Variants in B4GALNT2 observed in about 807,000 individuals in gnomAD.
B4GALNT2 encodes N-acetylneuraminylgalactosylglucosyl-glucoside beta-1,4-N- acetylgalactosaminyltransferase 2.
A neutral mutation model predicts 51.1 loss-of-function variants in B4GALNT2; 42 were observed. The ratio of observed to expected loss-of-function variants is 0.82; its 90% CI spans 0.64 to 1.06. The LOEUF (loss-of-function observed/expected upper bound fraction) is 1.06. Ranked by LOEUF, B4GALNT2 falls within the 50% of genes least tolerant of loss-of-function variation. The probability of loss-of-function intolerance (pLI) is 0.00; values close to 1 mark genes in which losing one functional copy is unlikely to be tolerated. For missense variants in B4GALNT2, 602 were observed against 633.6 expected, an observed-to-expected ratio of 0.95 and a Z score of 0.54; for synonymous variants, 253 against 251.7, an observed-to-expected ratio of 1.01 and a Z score of -0.05.
At chr17:49,127,637 T>TA (rs796221801), upstream of B4GALNT2, among the ~76,000 whole-genome samples, 41 of 151,370 alleles carry the variant, frequency 2.7e-4, no homozygotes, top group East Asian at 4.3e-3. Flanking sequence ...TTATAAGATT[T>TA]AAAAAAAAAA....
chr17:49,154,294 C>T (rs896691753), intron 4 of B4GALNT2, among the ~76,000 whole-genome samples: 1 of 152,154 alleles, frequency 6.6e-6, no homozygotes, highest in Non-Finnish European at 1.5e-5. Context: ...AGCCACTGAG[C>T]CTGGCCGGGA....
chr17:49,153,225 G>A (rs566989967), intron 4 of B4GALNT2, among the ~76,000 whole-genome samples: 8 of 152,122 alleles, frequency 5.3e-5, no homozygotes, highest in Non-Finnish European at 1.0e-4. Flanking sequence ...GACCAGCCTG[G>A]GCAATATGGC....
At chr17:49,150,587 C>A (rs574434647) in intron 3 of B4GALNT2, among the ~76,000 whole-genome samples, 9,482 of 151,436 alleles carry the variant, frequency 0.063, 494 homozygotes, top group African/African-American at 0.13. Flanking sequence ...AAGAAAAATT[C>A]TTCTGCCTTG....
In B4GALNT2 at chr17:49,141,160, C is replaced by T. The variant is rs2042640097; in HGVS notation, c.15-87C>T. On this transcript the variant is annotated intron_variant, in intron 1 of 10. Coordinates refer to ENST00000393354, the MANE Select transcript of B4GALNT2 (RefSeq NM_001159387.2). Reference sequence around the variant, plus strand: ...CAATATAAGCTATGTGCTTAGCTTACATTTTTCCTGAAATTATCAGTCTCA... The same window carrying T: ...CAATATAAGCTATGTGCTTAGCTTATATTTTTCCTGAAATTATCAGTCTCA... 2.3e-6 allele frequency: 3 copies of T among 1,296,022 alleles called. No individual in the cohort carries two copies. The African/African-American group carries it at 4.4e-5, about 19-fold the overall frequency. The allele number at this position is 1,296,022 out of a possible 1,614,324, so 80.3% of individuals were successfully genotyped here. A position where few individuals can be genotyped will look rare whatever the true frequency, so the allele number is the denominator to read the frequency against.
At position 49,135,551 on chromosome 17, in the gene B4GALNT2, C is replaced by T. The variant is rs376816126; in HGVS notation, c.14+2745C>T. 1.7e-3 allele frequency among the ~76,000 whole-genome samples: 265 copies of T among 152,056 alleles called. 4 individuals carry two copies. Among genetic ancestry groups the T allele is most frequent in the African/African-American group, 5.8e-3 (239 of 41,510 alleles). The stretch of plus-strand genomic sequence containing the variant: ...GGGATTACAGGCGTGAGCCACCGCG[C>T]CCGGCCCATCCTTCTTATTTTTAAT... On this transcript the variant is annotated intron_variant, in intron 1 of 10. Coordinates refer to ENST00000393354, the MANE Select transcript of B4GALNT2 (RefSeq NM_001159387.2).
the B4GALNT2 span, among the ~76,000 whole-genome samples, chr17:49,125,744 GAGGTGGGGGGGTCAGCCCCCCGCCCGT>G: frequency 8.4e-6 from 1 of 118,912 alleles, no homozygotes; most frequent in Non-Finnish European, 1.8e-5. Flanking sequence ...GTCCCGGAGG[GAGGTGGGGGGGTCAGCCCCCCGCCCGT>G]CCGGCCGCCC....
At chr17:49,141,102 C>T (rs568714214) in intron 1 of B4GALNT2, 145 bp from the exon 2 acceptor site, 8 of 692,892 alleles carry the variant, frequency 1.2e-5, no homozygotes, top group African/African-American at 7.1e-5. Context: ...TGATTCTTTC[C>T]TCCTCTGTTT....
chr17:49,157,897 C>T (rs1247215620), intron 5 of B4GALNT2, among the ~76,000 whole-genome samples: 1 of 152,182 alleles, frequency 6.6e-6, no homozygotes, highest in Non-Finnish European at 1.5e-5. Flanking sequence ...GCCTGTAACT[C>T]GGTTTTTAGA....
intron 3 of B4GALNT2, among the ~76,000 whole-genome samples, chr17:49,149,987 T>C (rs1198936533): frequency 6.6e-6 from 1 of 152,226 alleles, no homozygotes; most frequent in Non-Finnish European, 1.5e-5. Flanking sequence ...GCTGAGTATG[T>C]TCCATATGTT....
intron 3 of B4GALNT2, among the ~76,000 whole-genome samples, chr17:49,143,839 C>CTCT (rs34707729): frequency 0.33 from 50,414 of 151,714 alleles, 8,855 homozygotes; most frequent in East Asian, 0.46. Context: ...GTCTCTCTTC[C>CTCT]TCTTCTTATA....
intron 3 of B4GALNT2, chr17:49,148,383 C>T (rs906879004): frequency 8.5e-6 from 3 of 352,798 alleles, no homozygotes; most frequent in African/African-American, 4.4e-5. Context: ...CTGCCTCTTA[C>T]TGGAATTTGG....
chr17:49,147,280 T>C (rs1227121319), intron 3 of B4GALNT2, among the ~76,000 whole-genome samples: 1 of 152,204 alleles, frequency 6.6e-6, no homozygotes, highest in Non-Finnish European at 1.5e-5. Flanking sequence ...ATACTTCCAT[T>C]AAAAAGCAGC....
At chr17:49,167,608 CTTTT>C (rs34497598) in intron 9 of B4GALNT2, among the ~76,000 whole-genome samples, 1 of 115,062 alleles carries the variant, frequency 8.7e-6, no homozygotes, top group African/African-American at 3.5e-5. Context: ...CTCACCTACT[CTTTT>C]TTTTTTTTTT....
rs776765332 is a variant in B4GALNT2 at position 49,169,765 on chromosome 17, G to A, written c.*37G>A. On this transcript the variant is annotated 3_prime_UTR_variant, in exon 11 of 11. Transcript: ENST00000393354. The stretch of plus-strand genomic sequence containing the variant: ...CATAGGAGAAACACTAGGCTGGCTG[G>A]TTATGGTATCTATAGCAGGCCACCA... 4.6e-6 allele frequency: 7 copies of A among 1,508,650 alleles called. No homozygotes were observed. The highest frequency in any genetic ancestry group is 6.2e-6 in the Non-Finnish European group (7 of 1,123,618). 93.5% of individuals were successfully genotyped at this position (1,508,650 alleles called of 1,614,324 possible). A position where few individuals can be genotyped will look rare whatever the true frequency, so the allele number is the denominator to read the frequency against.
intron 9 of B4GALNT2, among the ~76,000 whole-genome samples, chr17:49,166,512 G>T (rs908696178): frequency 6.6e-6 from 1 of 152,084 alleles, no homozygotes; most frequent in African/African-American, 2.4e-5. Context: ...TTTTAAAATT[G>T]TGTGTTTATG....
At position 49,132,810 on chromosome 17, in the gene B4GALNT2, A is replaced by C; in HGVS notation, c.14+4A>C. ...GATTCGGGATGACTTCGGGCGGGTG[A>C]GTGTCCCCGGGGCAGAGCAGAGCGA... On this transcript the variant is annotated splice_donor_region_variant and intron_variant, in intron 1 of 10. Coordinates refer to ENST00000393354, the MANE Select transcript of B4GALNT2 (RefSeq NM_001159387.2). 5 of 1,374,190 alleles carry C rather than the reference A, an allele frequency of 3.6e-6. 1 individual carries two copies. In the South Asian group the frequency reaches 9.1e-5, roughly 25 times the overall value. The allele number at this position is 1,374,190 out of a possible 1,614,324, so 85.1% of individuals were successfully genotyped here.
rs1241021070 is a variant in B4GALNT2, at chr17:49,174,905, C to T, written c.*5177C>T. ...TACCAGGGACATACCCCATTTCATGCACCATACGTTGACTTTGAGGGCTAT... is the reference window on the plus strand; with the variant it reads ...TACCAGGGACATACCCCATTTCATGTACCATACGTTGACTTTGAGGGCTAT... On this transcript the variant is annotated 3_prime_UTR_variant, in exon 11 of 11. Coordinates refer to ENST00000393354, the MANE Select transcript of B4GALNT2 (RefSeq NM_001159387.2). 2 of 152,164 alleles carry T rather than the reference C, an allele frequency of 1.3e-5. No individual in the cohort carries two copies. The highest frequency in any genetic ancestry group is 2.4e-5 in the African/African-American group (1 of 41,438). 9.4% of individuals were successfully genotyped at this position (152,164 alleles called of 1,614,324 possible). A position where few individuals can be genotyped will look rare whatever the true frequency, so the allele number is the denominator to read the frequency against.
At chr17:49,157,368 T>C (rs1341853432) in intron 5 of B4GALNT2, among the ~76,000 whole-genome samples, 1 of 108,634 alleles carries the variant, frequency 9.2e-6, no homozygotes, top group Non-Finnish European at 1.9e-5. Flanking sequence ...TCACCTAGCC[T>C]GGAGTGCAGT....
chr17:49,121,131 G>A, the B4GALNT2 span, among the ~76,000 whole-genome samples: 12 of 152,290 alleles, frequency 7.9e-5, no homozygotes, highest in East Asian at 1.9e-3. Context: ...GATCATTTGG[G>A]TGGGAAAACA....
Sources: allele counts gnomAD v4.1 joint callset (sites outside exome capture counted in the v4.1 genomes callset), GRCh38; gene constraint gnomAD v4.1.1; transcripts MANE v1.5; gene names NCBI Gene and HGNC (gene_info 2026-07-23, HGNC 2026-07-21).